The following YIPF5 variants were observed in gnomAD, a reference collection of about 807,000 sequenced individuals.
YIPF5 encodes the protein Yip1 domain family member 5.
In YIPF5, 8 loss-of-function variants were observed where a neutral mutation model predicts 30.4. The ratio of observed to expected loss-of-function variants is 0.26; its 90% CI spans 0.15 to 0.47. The LOEUF is 0.47. YIPF5 is among the 20% of genes least tolerant of loss of function. The probability of loss-of-function intolerance (pLI) is 0.99; values close to 1 mark genes in which losing one functional copy is unlikely to be tolerated. For missense variants in YIPF5, 282 were observed against 301.8 expected (o/e 0.93, Z 0.49); for synonymous variants, 104 against 107.9 (o/e 0.96, Z 0.23).
Position 144,162,235 on chromosome 5 carries a change from T to A in YIPF5, c.594A>T (p.Ala198=). 4.3e-6 allele frequency: 7 copies of A among 1,613,944 alleles called. No homozygotes were observed. Among genetic ancestry groups the A allele is most frequent in the Non-Finnish European group, 5.9e-6 (7 of 1,179,900 alleles). ...LLPMILLSSF[A]VIFSLQGMVG... is the part of the protein sequence containing the mutation. The stretch of plus-strand genomic sequence containing the variant: ...GTACTTACTGCAAAGAAAATATCAC[T>A]GCAAAGCTGGAAAGTAGGATCATGG... Residue 198 remains alanine (A), a synonymous_variant, in exon 5 of 6, where the codon GCA becomes GCT. Coordinates refer to ENST00000274496, the MANE Select transcript of YIPF5 (RefSeq NM_030799.9).
In YIPF5 at chr5:144,158,895, T is replaced by C. The variant is rs1197898290; in HGVS notation, c.*1502A>G. On this transcript the variant is annotated 3_prime_UTR_variant, in exon 6 of 6. Transcript: ENST00000274496. ...TTGATACATCATTTTGACATTTCTA[T>C]TTAGTCTGAAAATCTCTTTAAAAAA... is the stretch of plus-strand genomic sequence containing the variant. 2.0e-6 allele frequency: 2 copies of C among 983,902 alleles called. No homozygotes were observed. The highest frequency in any genetic ancestry group is 1.1e-4 in the East Asian group (1 of 8,818). 60.9% of individuals were successfully genotyped at this position (983,902 alleles called of 1,614,324 possible).
rs1751965536 is a variant in YIPF5, at chr5:144,159,497, C to T, written c.*900G>A. On this transcript the variant is annotated 3_prime_UTR_variant, in exon 6 of 6. Transcript: ENST00000274496. ...AGTAAGTGTTCGCATTTCATGTCTA[C>T]AATAAGGTAGATTGTGAACTTCCCG... The T allele has an allele frequency of 2.8e-5, 27 of 980,316 alleles. No individual in the cohort carries two copies. Among genetic ancestry groups the T allele is most frequent in the Non-Finnish European group, 3.0e-5 (25 of 827,918 alleles). The allele number at this position is 980,316 out of a possible 1,614,324, so 60.7% of individuals were successfully genotyped here. A position where few individuals can be genotyped will look rare whatever the true frequency, so the allele number is the denominator to read the frequency against.
chr5:144,158,746 A>C lies in YIPF5; in HGVS notation c.*1651T>G, dbSNP rs1751940380. 2 of 1,000,774 alleles carry C rather than the reference A, an allele frequency of 2.0e-6. No individual in the cohort carries two copies. Among genetic ancestry groups the C allele is most frequent in the Admixed American group, 1.2e-4 (2 of 16,406 alleles). The allele number at this position is 1,000,774 out of a possible 1,614,324, so 62.0% of individuals were successfully genotyped here. On this transcript the variant is annotated 3_prime_UTR_variant, in exon 6 of 6. Transcript: ENST00000274496. ...AAGTTTGAAAACCTAGCCCAAAACA[A>C]ATTAATGACAAGTGGGTTTCTCCAG...
chr5:144,163,869 T>C, intron 4 of YIPF5: 3 of 337,462 alleles, frequency 8.9e-6, no homozygotes, highest in Non-Finnish European at 1.6e-5. Flanking sequence ...ACTATTTTTT[T>C]TTTGTTTTTT....
chr5:144,167,321 T>C (rs1397575930), intron 2 of YIPF5, among the ~76,000 whole-genome samples: 1 of 152,156 alleles, frequency 6.6e-6, no homozygotes, highest in Non-Finnish European at 1.5e-5. Context: ...AAACATGGTA[T>C]GGCAGACACG....
rs1242697898 is a variant in YIPF5 at position 144,158,769 on chromosome 5, C to T, written c.*1628G>A. The T allele has an allele frequency of 3.0e-6, 3 of 993,690 alleles. No individual in the cohort carries two copies. The highest frequency in any genetic ancestry group is 1.7e-5 in the African/African-American group (1 of 57,200). 61.6% of individuals were successfully genotyped at this position (993,690 alleles called of 1,614,324 possible). On this transcript the variant is annotated 3_prime_UTR_variant, in exon 6 of 6. Transcript: ENST00000274496. ...CAAATTAATGACAAGTGGGTTTCTC[C>T]AGACGATTAATGAAGAAAAACATAC...
chr5:144,166,702 G>A (rs1752211276), intron 2 of YIPF5, among the ~76,000 whole-genome samples: 1 of 152,054 alleles, frequency 6.6e-6, no homozygotes, highest in Admixed American at 6.5e-5. Flanking sequence ...AGCTTGCACA[G>A]GTGCTTTTCG....
At position 144,169,836 on chromosome 5, in the gene YIPF5, G is replaced by C; in HGVS notation, c.110+10C>G. ...GTAGACTAAATTAATTGCCAAAGAT[G>C]AAAAGTTACTTGCTATAGGGTCCTC... is the stretch of plus-strand genomic sequence containing the variant. On this transcript the variant is annotated intron_variant, in intron 2 of 5. Transcript: ENST00000274496. 1 of 1,608,024 alleles carries C rather than the reference G, an allele frequency of 6.2e-7. No individual in the cohort carries two copies. The highest frequency in any genetic ancestry group is 8.5e-7 in the Non-Finnish European group (1 of 1,175,078).
chr5:144,161,592 C>T (rs1300405976), intron 5 of YIPF5, among the ~76,000 whole-genome samples: 3 of 151,990 alleles, frequency 2.0e-5, no homozygotes, highest in Admixed American at 6.6e-5. Flanking sequence ...GTGATCTGCC[C>T]GCCTAGGCCT....
intron 4 of YIPF5, 135 bp downstream of exon 4, chr5:144,163,976 A>G: frequency 1.0e-6 from 1 of 962,810 alleles, no homozygotes; most frequent in Non-Finnish European, 1.5e-6. Flanking sequence ...TATAAATACA[A>G]GCAACTCAGT....
Position 144,165,601 on chromosome 5 carries a change from C to A in YIPF5, c.114G>T (p.Gln38His), listed in dbSNP as rs1752181636. 6.2e-7 allele frequency: 1 copy of A among 1,614,024 alleles called. No individual in the cohort carries two copies. The highest frequency in any genetic ancestry group is 1.7e-4 in the Middle Eastern group (1 of 6,060). ...YGGSGGPYSKQYAGYDYSQQG... is the reference protein window; with the variant it reads ...YGGSGGPYSKHYAGYDYSQQG... ...GCTGCGAATAGTCATAGCCAGCATACTGTCTATAAATGAAAGAAAGTTAAA... is the reference window on the plus strand; with the variant it reads ...GCTGCGAATAGTCATAGCCAGCATAATGTCTATAAATGAAAGAAAGTTAAA... The change falls in exon 3 of 6, where the codon CAG becomes CAT. Residue 38 changes from glutamine (Q) to histidine (H), a missense_variant. By Grantham distance (24) the Gln-to-His change is conservative. Transcript: ENST00000274496.
intron 5 of YIPF5, among the ~76,000 whole-genome samples, chr5:144,161,534 C>T (rs369333451): frequency 5.9e-5 from 9 of 151,738 alleles, no homozygotes; most frequent in African/African-American, 4.8e-5. Context: ...TTAGTAGAGA[C>T]GGGGTTTCTT....
In YIPF5 at chr5:144,159,306, T is replaced by G; in HGVS notation, c.*1091A>C. The G allele has an allele frequency of 1.0e-6, 1 of 972,558 alleles. No homozygotes were observed. Among genetic ancestry groups the G allele is most frequent in the Non-Finnish European group, 1.2e-6 (1 of 818,292 alleles). 60.2% of individuals were successfully genotyped at this position (972,558 alleles called of 1,614,324 possible). On this transcript the variant is annotated 3_prime_UTR_variant, in exon 6 of 6. Transcript: ENST00000274496. ...GAAAGTTTTAATAAGCATTCAAATG[T>G]ACTTTACATTGATAATTGCAATATT...
rs1217518835 is a variant in YIPF5 at position 144,160,297 on chromosome 5, T to C, written c.*100A>G. 6.6e-7 allele frequency: 1 copy of C among 1,514,718 alleles called. No homozygotes were observed. The highest frequency in any genetic ancestry group is 2.3e-5 in the East Asian group (1 of 43,960). The allele number at this position is 1,514,718 out of a possible 1,614,324, so 93.8% of individuals were successfully genotyped here. ...TTGCTCCAACAGTCAAATGTAAATC[T>C]GCATGAGAGTTGCGCTGCAGCAGTT... On this transcript the variant is annotated 3_prime_UTR_variant, in exon 6 of 6. Coordinates refer to ENST00000274496, the MANE Select transcript of YIPF5 (RefSeq NM_030799.9).
chr5:144,160,037 C>G lies in YIPF5; in HGVS notation c.*360G>C. On this transcript the variant is annotated 3_prime_UTR_variant, in exon 6 of 6. Coordinates refer to ENST00000274496, the MANE Select transcript of YIPF5 (RefSeq NM_030799.9). The stretch of plus-strand genomic sequence containing the variant: ...TGTGTCTTCTTTACTGTGACTGGGT[C>G]GTTTTTAAGAAAGGTTATCAGCTTT... 1.0e-6 allele frequency: 1 copy of G among 994,796 alleles called. No individual in the cohort carries two copies. The allele number at this position is 994,796 out of a possible 1,614,324, so 61.6% of individuals were successfully genotyped here. A position where few individuals can be genotyped will look rare whatever the true frequency, so the allele number is the denominator to read the frequency against.
In YIPF5 at chr5:144,158,822, C is replaced by T. The variant is rs1168593297; in HGVS notation, c.*1575G>A. ...ATGTGAATCAATAAATATGTTATTT[C>T]TCTCAACCTCTTTTTATGCTTTGAA... On this transcript the variant is annotated 3_prime_UTR_variant, in exon 6 of 6. Coordinates refer to ENST00000274496, the MANE Select transcript of YIPF5 (RefSeq NM_030799.9). 3.0e-6 allele frequency: 3 copies of T among 984,442 alleles called. No individual in the cohort carries two copies. The African/African-American group carries it at 5.3e-5, about 17-fold the overall frequency. 61.0% of individuals were successfully genotyped at this position (984,442 alleles called of 1,614,324 possible). A position where few individuals can be genotyped will look rare whatever the true frequency, so the allele number is the denominator to read the frequency against.
rs748159992 is a variant in YIPF5, at chr5:144,162,357, T to C, written c.472A>G (p.Ile158Val). Residue 158 changes from isoleucine to valine, a missense_variant, in exon 5 of 6, where the codon ATT becomes GTT. Transcript: ENST00000274496. ...QFGYVYGISA[I>V]GCLGMFCLLN... Reference sequence around the variant, plus strand: ...AAACAAAACATTCCTAGACATCCAATTGCACTGATCCCGTATACATAGCCA... The same window carrying C: ...AAACAAAACATTCCTAGACATCCAACTGCACTGATCCCGTATACATAGCCA... The C allele has an allele frequency of 1.2e-5, 19 of 1,614,014 alleles. No homozygotes were observed. In the East Asian group the frequency reaches 1.3e-4, roughly 11 times the overall value.
rs1751926294 is a variant in YIPF5 at position 144,158,349 on chromosome 5, TA to T, written c.*2047del. The T allele has an allele frequency of 2.9e-6, 3 of 1,020,666 alleles. No homozygotes were observed. Among genetic ancestry groups the T allele is most frequent in the Non-Finnish European group, 3.9e-6 (3 of 762,386 alleles). The allele number at this position is 1,020,666 out of a possible 1,614,324, so 63.2% of individuals were successfully genotyped here. On this transcript the variant is annotated 3_prime_UTR_variant, in exon 6 of 6. Transcript: ENST00000274496. ...AGCATAAAATAGCTTTGCACCTTAT[TA>T]TTTTGGAGCAAAATAAAAAATAACC... is the stretch of plus-strand genomic sequence containing the variant.
At position 144,159,367 on chromosome 5, in the gene YIPF5, A is replaced by T; in HGVS notation, c.*1030T>A. The T allele has an allele frequency of 1.0e-6, 1 of 984,606 alleles. No individual in the cohort carries two copies. Among genetic ancestry groups the T allele is most frequent in the Non-Finnish European group, 1.2e-6 (1 of 829,192 alleles). 61.0% of individuals were successfully genotyped at this position (984,606 alleles called of 1,614,324 possible). On this transcript the variant is annotated 3_prime_UTR_variant, in exon 6 of 6. Coordinates refer to ENST00000274496, the MANE Select transcript of YIPF5 (RefSeq NM_030799.9). ...AAACTTTAAATATTTTCCTTAAAAA[A>T]GGTTAGTGATTTTTTTATTATTTTT...
Sources: allele counts gnomAD v4.1 joint callset (sites outside exome capture counted in the v4.1 genomes callset), GRCh38; gene constraint gnomAD v4.1.1; transcripts MANE v1.5; gene names NCBI Gene and HGNC (gene_info 2026-07-23, HGNC 2026-07-21).